NFIX: variants seen among roughly 807,000 people sequenced by gnomAD.
The protein encoded by NFIX is nuclear factor I X.
In NFIX, 2 loss-of-function variants were observed where a neutral mutation model predicts 53.3. That is an observed-to-expected ratio of 0.04 (90% CI 0.02 to 0.12). The LOEUF is 0.12. Among genes scored for constraint, NFIX ranks in the 10% least tolerant of loss-of-function variants. The pLI, the probability that NFIX is intolerant of heterozygous loss-of-function variation, is 1.00. For synonymous variants in NFIX, 244 were observed against 289.0 expected, an observed-to-expected ratio of 0.84 and a Z score of 1.58; for missense variants, 310 against 674.5, an observed-to-expected ratio of 0.46 and a Z score of 5.99.
At position 13,006,632 on chromosome 19, in the gene NFIX, C is replaced by T. The variant is rs2012029171; in HGVS notation, c.27+10768C>T. On this transcript the variant is annotated intron_variant, in intron 1 of 10. Coordinates refer to ENST00000592199, the MANE Select transcript of NFIX (RefSeq NM_001365902.3). The surrounding 1 kb of genome is among the most constrained non-coding windows in gnomAD (Gnocchi z 5.6). ...CGGGCTGGGTTTATTTTTACCCCAGCCTGTCACCCTGGCAGTACCAGGCTG... is the reference window on the plus strand; with the variant it reads ...CGGGCTGGGTTTATTTTTACCCCAGTCTGTCACCCTGGCAGTACCAGGCTG... Among the ~76,000 whole-genome samples, 1 of 152,188 alleles carries T rather than the reference C, an allele frequency of 6.6e-6. No homozygotes were observed. Among genetic ancestry groups the T allele is most frequent in the Non-Finnish European group, 1.5e-5 (1 of 68,030 alleles).
rs934308772 is a variant in NFIX, at chr19:13,067,735, A to G, written c.560-5312A>G. Among the ~76,000 whole-genome samples the G allele has an allele frequency of 2.6e-5, 4 of 152,158 alleles. No individual in the cohort carries two copies. Among genetic ancestry groups the G allele is most frequent in the African/African-American group, 4.8e-5 (2 of 41,408 alleles). On this transcript the variant is annotated intron_variant, in intron 2 of 10. Coordinates refer to ENST00000592199, the MANE Select transcript of NFIX (RefSeq NM_001365902.3). This position sits in a 1 kb window ranked among gnomAD's most constrained non-coding sequence, Gnocchi z 4.2. The stretch of plus-strand genomic sequence containing the variant: ...GCTGAGGGCAGTGTTGGCTGTAGCC[A>G]GCAGGAATTCCTCCCTCACCCTAGT...
intron 1 of NFIX, among the ~76,000 whole-genome samples, chr19:13,019,996 T>C (rs2012884049): frequency 6.6e-6 from 1 of 151,650 alleles, no homozygotes; most frequent in Non-Finnish European, 1.5e-5. Flanking sequence ...CCATTTCCCA[T>C]GTCCTTCTAC....
At chr19:13,050,008 C>T (rs1880959669) in intron 2 of NFIX, among the ~76,000 whole-genome samples, 1 of 152,194 alleles carries the variant, frequency 6.6e-6, no homozygotes, top group African/African-American at 2.4e-5. Context: ...AGTAATGTTG[C>T]AGTAAACATG....
chr19:13,087,877 A>G, intron 8 of NFIX, 112 bp from the exon 9 acceptor site: 2 of 1,275,250 alleles, frequency 1.6e-6, no homozygotes, highest in Non-Finnish European at 2.1e-6. Context: ...CCAATCCTGG[A>G]TCTTCCACCG....
In NFIX at chr19:13,002,783, C is replaced by G. The variant is rs972653814; in HGVS notation, c.27+6919C>G. 6.6e-6 allele frequency among the ~76,000 whole-genome samples: 1 copy of G among 152,196 alleles called. No homozygotes were observed. The highest frequency in any genetic ancestry group is 6.5e-5 in the Admixed American group (1 of 15,288). ...GGGTTGCACTGGGGAGCTCTCCCCC[C>G]ACTGGGCCCCACCCTGAGGGGAGCC... On this transcript the variant is annotated intron_variant, in intron 1 of 10. Coordinates refer to ENST00000592199, the MANE Select transcript of NFIX (RefSeq NM_001365902.3). The surrounding 1 kb of genome is among the most constrained non-coding windows in gnomAD (Gnocchi z 6.1).
At chr19:13,070,325 A>C (rs922351597) in intron 2 of NFIX, 1 of 152,166 alleles carries the variant, frequency 6.6e-6, no homozygotes, top group African/African-American at 2.4e-5. Flanking sequence ...GCAGGGGTCT[A>C]CTCTTGCTGA....
intron 1 of NFIX, among the ~76,000 whole-genome samples, chr19:13,020,666 G>C (rs2012917273): frequency 6.6e-6 from 1 of 152,180 alleles, no homozygotes; most frequent in African/African-American, 2.4e-5. Context: ...TCTGTTAAGA[G>C]AGCCTTGAGG....
chr19:13,085,864 G>A (rs375140951), intron 8 of NFIX, among the ~76,000 whole-genome samples: 15 of 152,320 alleles, frequency 9.8e-5, no homozygotes, highest in African/African-American at 3.4e-4. Context: ...AGGACAAGTC[G>A]ATCCCACGTG....
chr19:13,022,585 C>T lies in NFIX; in HGVS notation c.28-2436C>T, dbSNP rs1216182144. Among the ~76,000 whole-genome samples the T allele has an allele frequency of 6.6e-6, 1 of 151,120 alleles. No homozygotes were observed. The highest frequency in any genetic ancestry group is 1.5e-5 in the Non-Finnish European group (1 of 67,830). On this transcript the variant is annotated intron_variant, in intron 1 of 10. Coordinates refer to ENST00000592199, the MANE Select transcript of NFIX (RefSeq NM_001365902.3). This position sits in a 1 kb window ranked among gnomAD's most constrained non-coding sequence, Gnocchi z 4.5. ...AAACTTCCACTCGCCCCTGTGTGCT[C>T]CATAGGAAGAAAAAAAAAAAGAAAG...
chr19:13,013,359 A>G lies in NFIX; in HGVS notation c.28-11662A>G, dbSNP rs542060161. Among the ~76,000 whole-genome samples the G allele has an allele frequency of 6.6e-6, 1 of 152,260 alleles. No homozygotes were observed. The highest frequency in any genetic ancestry group is 1.5e-5 in the Non-Finnish European group (1 of 68,010). The stretch of plus-strand genomic sequence containing the variant: ...AGAGCAGCCCCCGAGCATTCAGAGA[A>G]AGCCGCCCGTCCCCAGTCCCCTCGG... On this transcript the variant is annotated intron_variant, in intron 1 of 10. Transcript: ENST00000592199. This position sits in a 1 kb window ranked among gnomAD's most constrained non-coding sequence, Gnocchi z 5.9.
In NFIX at chr19:13,094,860, G is replaced by A; in HGVS notation, c.*211G>A. ...CCCAGTTCTCAGAGAGCCCTTGGAA[G>A]GGGTCTCGGTGGAGCTGTGCACCAG... On this transcript the variant is annotated 3_prime_UTR_variant, in exon 11 of 11. Coordinates refer to ENST00000592199, the MANE Select transcript of NFIX (RefSeq NM_001365902.3). This position sits in a 1 kb window ranked among gnomAD's most constrained non-coding sequence, Gnocchi z 4.3. 1.7e-6 allele frequency: 1 copy of A among 579,760 alleles called. No homozygotes were observed. Among genetic ancestry groups the A allele is most frequent in the South Asian group, 2.1e-5 (1 of 47,920 alleles). 35.9% of individuals were successfully genotyped at this position (579,760 alleles called of 1,614,324 possible). A position where few individuals can be genotyped will look rare whatever the true frequency, so the allele number is the denominator to read the frequency against.
At chr19:13,017,348 A>G (rs1362921716) in intron 1 of NFIX, among the ~76,000 whole-genome samples, 1 of 152,328 alleles carries the variant, frequency 6.6e-6, no homozygotes, top group Non-Finnish European at 1.5e-5. Context: ...GGAGCAATAC[A>G]TTTTGAGGAA....
intron 1 of NFIX, among the ~76,000 whole-genome samples, chr19:13,020,566 A>G (rs2145177037): frequency 6.6e-6 from 1 of 152,312 alleles, no homozygotes; most frequent in Admixed American, 6.5e-5. Context: ...TCTTCTGCCC[A>G]CCTGCAAGGT....
intron 1 of NFIX, among the ~76,000 whole-genome samples, chr19:12,999,243 G>A (rs928614298): frequency 1.3e-5 from 2 of 150,272 alleles, no homozygotes; most frequent in Non-Finnish European, 1.5e-5. Flanking sequence ...GCGTGATCTC[G>A]GCTCACTGTA....
At chr19:13,050,038 G>T (rs1473537326) in intron 2 of NFIX, among the ~76,000 whole-genome samples, 2 of 152,182 alleles carry the variant, frequency 1.3e-5, no homozygotes, top group Non-Finnish European at 1.5e-5. Context: ...GCATTTATGT[G>T]GATGTATGTT....
intron 2 of NFIX, among the ~76,000 whole-genome samples, chr19:13,048,789 A>C (rs894717461): frequency 6.6e-6 from 1 of 152,224 alleles, no homozygotes; most frequent in Non-Finnish European, 1.5e-5. Flanking sequence ...TAAAGTGTAC[A>C]GGGCCAGGCA....
chr19:13,083,435 A>G (rs1472709528), intron 8 of NFIX, among the ~76,000 whole-genome samples: 1 of 152,158 alleles, frequency 6.6e-6, no homozygotes, highest in African/African-American at 2.4e-5. Context: ...AACCCTTGAG[A>G]AAGTGGGTCA....
intron 10 of NFIX, among the ~76,000 whole-genome samples, chr19:13,092,115 CG>C (rs1043638256): frequency 6.6e-6 from 1 of 151,966 alleles, no homozygotes; most frequent in Non-Finnish European, 1.5e-5. Flanking sequence ...GCGGCTGCAA[CG>C]GGCGGGCGCA....
rs1299072851 is a variant in NFIX, at chr19:13,077,274, C to CCATTTCTG, written c.956-1329_956-1322dup. On this transcript the variant is annotated intron_variant, in intron 6 of 10. Transcript: ENST00000592199. ...TCTTGGCTGTCTGCTTTTGCGCCTG[C>CCATTTCTG]CATTTCTGCATTTCTGCTCCTTCCG... Among the ~76,000 whole-genome samples the CCATTTCTG allele has an allele frequency of 2.0e-5, 3 of 152,326 alleles. No homozygotes were observed. In the South Asian group the frequency reaches 6.2e-4, roughly 32 times the overall value.
Sources: allele counts gnomAD v4.1 joint callset (sites outside exome capture counted in the v4.1 genomes callset), GRCh38; gene constraint gnomAD v4.1.1; non-coding constraint Gnocchi (gnomAD v3.1); transcripts MANE v1.5; gene names NCBI Gene and HGNC (gene_info 2026-07-23, HGNC 2026-07-21).